The following SPAG16 variants were observed in gnomAD, a reference collection of about 807,000 sequenced individuals.
SPAG16 encodes the protein sperm associated antigen 16, also known as sperm-associated antigen 16 protein.
In SPAG16, 86 loss-of-function variants were observed where a neutral mutation model predicts 80.4. The observed-to-expected ratio is 1.07, with a 90% confidence interval of 0.90 to 1.28. The LOEUF is 1.28. Among genes scored for constraint, SPAG16 ranks in the 50% most tolerant of loss-of-function variants. The pLI is 0.00. For synonymous variants in SPAG16, 294 were observed against 265.9 expected (o/e 1.11, Z -1.03); for missense variants, 870 against 765.3 (o/e 1.14, Z -1.61).
At chr2:214,238,306 G>T in intron 15 of SPAG16, 1 of 213,098 alleles carries the variant, frequency 4.7e-6, no homozygotes, top group Non-Finnish European at 9.8e-6. Flanking sequence ...TTTCACCATT[G>T]GCCATTTCAT....
At chr2:213,853,757 C>T (rs2075023096) in intron 10 of SPAG16, among the ~76,000 whole-genome samples, 1 of 152,136 alleles carries the variant, frequency 6.6e-6, no homozygotes, top group African/African-American at 2.4e-5. Context: ...CTTTGTGGCA[C>T]TTAGGGCAGG....
At chr2:213,819,471 T>C (rs930326363) in intron 10 of SPAG16, among the ~76,000 whole-genome samples, 1 of 152,230 alleles carries the variant, frequency 6.6e-6, no homozygotes, top group African/African-American at 2.4e-5. Context: ...TGTTCACTCT[T>C]ATATTCTCAG....
chr2:214,198,942 A>G (rs939828691), intron 15 of SPAG16, among the ~76,000 whole-genome samples: 2 of 151,582 alleles, frequency 1.3e-5, no homozygotes, highest in South Asian at 2.1e-4. Flanking sequence ...CCACTTTTTG[A>G]TGGGATTACT....
At chr2:213,956,328 C>G (rs544275028) in intron 12 of SPAG16, among the ~76,000 whole-genome samples, 38 of 151,948 alleles carry the variant, frequency 2.5e-4, no homozygotes, top group African/African-American at 8.7e-4. Flanking sequence ...TTATTTCTTT[C>G]CTTCTGTTAG....
intron 14 of SPAG16, among the ~76,000 whole-genome samples, chr2:214,139,489 C>A (rs187666040): frequency 1.4e-4 from 22 of 152,072 alleles, no homozygotes; most frequent in African/African-American, 4.8e-4. Flanking sequence ...TCTCATTCAT[C>A]ATATATTAAT....
intron 15 of SPAG16, among the ~76,000 whole-genome samples, chr2:214,382,213 G>A (rs1022375955): frequency 6.6e-6 from 1 of 152,182 alleles, no homozygotes; most frequent in Non-Finnish European, 1.5e-5. Context: ...ACAGAAATCT[G>A]ATTAATGAGA....
intron 3 of SPAG16, among the ~76,000 whole-genome samples, chr2:213,298,087 C>A (rs916051961): frequency 6.6e-6 from 1 of 152,092 alleles, no homozygotes; most frequent in East Asian, 1.9e-4. Context: ...TATACCATAT[C>A]ATTCTTTCCA....
intron 1 of SPAG16, among the ~76,000 whole-genome samples, chr2:213,286,610 G>C (rs1203575871): frequency 1.3e-5 from 2 of 152,154 alleles, no homozygotes; most frequent in South Asian, 4.1e-4. Context: ...GTAAATAAAA[G>C]TTATAATATG....
intron 10 of SPAG16, among the ~76,000 whole-genome samples, chr2:213,666,128 T>C (rs1038488298): frequency 2.6e-5 from 4 of 152,174 alleles, no homozygotes; most frequent in Non-Finnish European, 4.4e-5. Context: ...TGAGAATAGA[T>C]TGTGTTTCCT....
At chr2:213,368,646 G>T (rs186233585) in intron 8 of SPAG16, among the ~76,000 whole-genome samples, 11 of 152,310 alleles carry the variant, frequency 7.2e-5, no homozygotes, top group Non-Finnish European at 1.0e-4. Flanking sequence ...CAGATGACAT[G>T]ATTGTATATT....
intron 15 of SPAG16, among the ~76,000 whole-genome samples, chr2:214,264,317 T>C (rs973846986): frequency 2.0e-5 from 3 of 152,158 alleles, no homozygotes; most frequent in African/African-American, 7.2e-5. Flanking sequence ...CCTCTTGGAC[T>C]TCATCTTTCA....
chr2:213,373,180 G>T (rs1485061139), intron 8 of SPAG16, among the ~76,000 whole-genome samples: 1 of 152,090 alleles, frequency 6.6e-6, no homozygotes, highest in Non-Finnish European at 1.5e-5. Flanking sequence ...ACTTTGCTGG[G>T]ATATTACTCA....
At chr2:213,653,855 T>G (rs986566015) in intron 10 of SPAG16, among the ~76,000 whole-genome samples, 11 of 152,148 alleles carry the variant, frequency 7.2e-5, no homozygotes, top group African/African-American at 2.7e-4. Context: ...AAACATACAG[T>G]TCACATATAG....
intron 13 of SPAG16, among the ~76,000 whole-genome samples, chr2:214,023,625 A>G (rs1311913653): frequency 4.6e-5 from 7 of 151,856 alleles, no homozygotes; most frequent in Non-Finnish European, 8.9e-5. Flanking sequence ...TTTTTAATAC[A>G]CAGTAAAAAC....
chr2:213,350,245 C>T (rs958134417), intron 6 of SPAG16, among the ~76,000 whole-genome samples: 1 of 152,014 alleles, frequency 6.6e-6, no homozygotes, highest in Non-Finnish European at 1.5e-5. Context: ...TCATGGGTAG[C>T]AGCAATCTTC....
intron 2 of SPAG16, among the ~76,000 whole-genome samples, chr2:213,296,362 A>G (rs547757894): frequency 6.6e-6 from 1 of 152,224 alleles, no homozygotes; most frequent in South Asian, 2.1e-4. Flanking sequence ...GCTCCTTATT[A>G]CCTGCCTTGT....
chr2:213,920,794 C>G (rs1489348549), intron 11 of SPAG16, among the ~76,000 whole-genome samples: 1 of 152,218 alleles, frequency 6.6e-6, no homozygotes, highest in East Asian at 1.9e-4. Context: ...GTCGAGCCTA[C>G]AGGGATGGAC....
At chr2:213,684,893 A>G (rs2064585207) in intron 10 of SPAG16, among the ~76,000 whole-genome samples, 1 of 152,250 alleles carries the variant, frequency 6.6e-6, no homozygotes, top group East Asian at 1.9e-4. Flanking sequence ...GGTTTAAGTC[A>G]TACTACAATG....
intron 10 of SPAG16, among the ~76,000 whole-genome samples, chr2:213,809,246 G>C (rs1016436773): frequency 3.9e-5 from 6 of 152,158 alleles, no homozygotes; most frequent in Non-Finnish European, 8.8e-5. Context: ...GGGGAAGCTA[G>C]ATATTCTCTA....
Sources: gnomAD v4.1 joint callset for allele counts (sites outside exome capture counted in the v4.1 genomes callset) on GRCh38, gnomAD v4.1.1 for gene constraint, MANE v1.5 for transcripts, NCBI Gene and HGNC (gene_info 2026-07-23, HGNC 2026-07-21) for gene names.